ST3GAL5: variants seen among roughly 807,000 people sequenced by gnomAD.
ST3GAL5 encodes ST3 beta-galactoside alpha-2,3-sialyltransferase 5.
ST3GAL5 carries 25 observed loss-of-function variants against 46.1 expected under a neutral mutation model. The ratio of observed to expected loss-of-function variants is 0.54; its 90% CI spans 0.40 to 0.76. ST3GAL5 has a LOEUF of 0.76. ST3GAL5 is among the 30% of genes least tolerant of loss of function. The probability of loss-of-function intolerance (pLI) is 0.00; values close to 1 mark genes in which losing one functional copy is unlikely to be tolerated. For synonymous variants in ST3GAL5, 182 were observed against 192.7 expected (o/e 0.94, Z 0.46); for missense variants, 431 against 521.2 (o/e 0.83, Z 1.69).
At position 85,848,106 on chromosome 2, in the gene ST3GAL5, C is replaced by T. The variant is rs1683032179; in HGVS notation, c.417G>A (p.Val139=). 1 of 1,614,022 alleles carries T rather than the reference C, an allele frequency of 6.2e-7. No individual in the cohort carries two copies. Among genetic ancestry groups the T allele is most frequent in the Non-Finnish European group, 8.5e-7 (1 of 1,180,030 alleles). Residue 139 remains valine (V), a synonymous_variant, in exon 4 of 7, where the codon GTG becomes GTA. Coordinates refer to ENST00000638572, the MANE Select transcript of ST3GAL5 (RefSeq NM_003896.4). ...MALLFEHRYS[V]DLLPFVQKAP... The stretch of plus-strand genomic sequence containing the variant: ...CCTTCTGCACAAAAGGGAGTAAGTC[C>T]ACGCTATACCTGTGCTCAAATAACA...
intron 1 of ST3GAL5, among the ~76,000 whole-genome samples, chr2:85,881,946 G>A (rs1687204187): frequency 6.6e-6 from 1 of 152,248 alleles, no homozygotes; most frequent in African/African-American, 2.4e-5. Flanking sequence ...CAGGCCTGGA[G>A]GCCCAGGAGG....
chr2:85,865,515 G>C (rs1685199115), intron 1 of ST3GAL5, among the ~76,000 whole-genome samples: 1 of 152,180 alleles, frequency 6.6e-6, no homozygotes, highest in South Asian at 2.1e-4. Context: ...AGAATCTGCT[G>C]AATTATTAAA....
chr2:85,888,520 C>A (rs1478841872), intron 1 of ST3GAL5: 4 of 219,786 alleles, frequency 1.8e-5, no homozygotes, highest in Non-Finnish European at 2.7e-5. Context: ...AATTAAATCC[C>A]GAGCTGCAGC....
intron 1 of ST3GAL5, among the ~76,000 whole-genome samples, chr2:85,871,679 G>A (rs1162268429): frequency 1.3e-5 from 2 of 152,100 alleles, no homozygotes; most frequent in African/African-American, 4.8e-5. Context: ...GACACACATG[G>A]GTAGACACAG....
chr2:85,870,743 C>T (rs2104144988), intron 1 of ST3GAL5, among the ~76,000 whole-genome samples: 1 of 150,742 alleles, frequency 6.6e-6, no homozygotes, highest in Admixed American at 6.6e-5. Context: ...ATGGCACCAT[C>T]TTGGCTCACT....
At chr2:85,872,340 C>A (rs1686025576) in intron 1 of ST3GAL5, among the ~76,000 whole-genome samples, 1 of 152,140 alleles carries the variant, frequency 6.6e-6, no homozygotes, top group South Asian at 2.1e-4. Context: ...ATGAAACTGT[C>A]CACGAGGCGA....
At chr2:85,855,102 T>G (rs1683952348) in intron 3 of ST3GAL5, 1 of 152,296 alleles carries the variant, frequency 6.6e-6, no homozygotes, top group Non-Finnish European at 1.5e-5. Context: ...TTTGACTCTT[T>G]GTCCCCACCC....
chr2:85,862,630 C>T (rs956709071), intron 2 of ST3GAL5, among the ~76,000 whole-genome samples: 41 of 152,226 alleles, frequency 2.7e-4, no homozygotes, highest in African/African-American at 9.4e-4. Context: ...GGTCTATCTC[C>T]CCTGCTGCCT....
Position 85,888,954 on chromosome 2 carries a change from C to G in ST3GAL5, c.-49G>C, listed in dbSNP as rs941611400. On this transcript the variant is annotated 5_prime_UTR_variant, in exon 1 of 7. Coordinates refer to ENST00000638572, the MANE Select transcript of ST3GAL5 (RefSeq NM_003896.4). Reference sequence around the variant, plus strand: ...CCGCCAGCCCGGTACCCCGCGCCCCCACCCGCCCCCAGCGCCGCTCTCGCG... The same window carrying G: ...CCGCCAGCCCGGTACCCCGCGCCCCGACCCGCCCCCAGCGCCGCTCTCGCG... 4.8e-6 allele frequency: 6 copies of G among 1,252,186 alleles called. No individual in the cohort carries two copies. In the African/African-American group the frequency reaches 7.9e-5, roughly 17 times the overall value. 77.6% of individuals were successfully genotyped at this position (1,252,186 alleles called of 1,614,324 possible).
At chr2:85,860,725 TAGTC>T (rs1684619420) in intron 3 of ST3GAL5, among the ~76,000 whole-genome samples, 2 of 151,454 alleles carry the variant, frequency 1.3e-5, no homozygotes, top group South Asian at 2.1e-4. Context: ...ATAAAAAAAT[TAGTC>T]AGGCATGGTG....
chr2:85,864,758 T>G lies in ST3GAL5; in HGVS notation c.83-1273A>C, dbSNP rs572994260. Reference sequence around the variant, plus strand: ...TTGGTCCGTCTCCCCCATATTCGCTTTCCCCTAACTCAACTTAATACAGCT... The same window carrying G: ...TTGGTCCGTCTCCCCCATATTCGCTGTCCCCTAACTCAACTTAATACAGCT... On this transcript the variant is annotated intron_variant, in intron 1 of 6. Transcript: ENST00000638572. 2.6e-5 allele frequency among the ~76,000 whole-genome samples: 4 copies of G among 152,330 alleles called. No homozygotes were observed. In the South Asian group the frequency reaches 8.3e-4, roughly 32 times the overall value.
chr2:85,846,777 G>C (rs1446638387), intron 4 of ST3GAL5: 1 of 552,404 alleles, frequency 1.8e-6, no homozygotes, highest in East Asian at 2.9e-5. Flanking sequence ...TCTAATCCCT[G>C]AATGTCAAGC....
intron 1 of ST3GAL5, among the ~76,000 whole-genome samples, chr2:85,885,402 C>A (rs1178848032): frequency 6.6e-6 from 1 of 152,312 alleles, no homozygotes; most frequent in Middle Eastern, 3.4e-3. Context: ...GGTGACCACA[C>A]TTGCTGGCAC....
intron 5 of ST3GAL5, chr2:85,845,075 G>A (rs1372993883): frequency 1.4e-5 from 3 of 212,408 alleles, no homozygotes; most frequent in Non-Finnish European, 1.9e-5. Flanking sequence ...TGGAGTTTAC[G>A]TGAAAAGTTG....
chr2:85,861,318 T>C (rs772732650), intron 2 of ST3GAL5, 26 bp from the exon 3 acceptor site: 6 of 1,412,600 alleles, frequency 4.2e-6, no homozygotes, highest in Non-Finnish European at 5.0e-6. Flanking sequence ...TTAGGTATTA[T>C]GATGTAGTCA....
In ST3GAL5 at chr2:85,848,190, A is replaced by C. The variant is rs368298013; in HGVS notation, c.333T>G (p.Tyr111Ter). ...DPDHVKRAQK[Y>*]AQQVLQKECR... Reference sequence around the variant, plus strand: ...ATTCCTTCTGCAAGACTTGCTGAGCATATTTCTGAGCTCTCTGGAATGAAA... The same window carrying C: ...ATTCCTTCTGCAAGACTTGCTGAGCCTATTTCTGAGCTCTCTGGAATGAAA... Residue 111 changes from tyrosine (Y) to a stop codon, truncating the protein, a stop_gained, in exon 4 of 7, where the codon TAT (tyrosine) becomes TAG (stop). Transcript: ENST00000638572. LOFTEE classifies it high-confidence loss of function. 2 of 1,614,120 alleles carry C rather than the reference A, an allele frequency of 1.2e-6. No individual in the cohort carries two copies. The highest frequency in any genetic ancestry group is 2.7e-5 in the African/African-American group (2 of 74,954).
intron 6 of ST3GAL5, among the ~76,000 whole-genome samples, chr2:85,842,841 A>G (rs1452832458): frequency 1.3e-5 from 2 of 151,306 alleles, no homozygotes; most frequent in Non-Finnish European, 2.9e-5. Context: ...GGCTCATTGC[A>G]ACCTCCGCCT....
At chr2:85,853,168 C>T (rs997497045) in intron 3 of ST3GAL5, 19 of 997,040 alleles carry the variant, frequency 1.9e-5, no homozygotes, top group Middle Eastern at 5.2e-4. Context: ...CTGACATCAA[C>T]GTGCCCTCGT....
chr2:85,846,056 C>G, intron 5 of ST3GAL5: 1 of 303,236 alleles, frequency 3.3e-6, no homozygotes, highest in South Asian at 3.4e-5. Context: ...ATTAACTGGG[C>G]GTGGTGGCAG....
Sources: gnomAD v4.1 joint callset for allele counts (sites outside exome capture counted in the v4.1 genomes callset) on GRCh38, gnomAD v4.1.1 for gene constraint, MANE v1.5 for transcripts, NCBI Gene and HGNC (gene_info 2026-07-23, HGNC 2026-07-21) for gene names.